Variants in GABRB1 observed in about 807,000 individuals in gnomAD.
GABRB1 encodes gamma-aminobutyric acid type A receptor subunit beta1, also known as gamma-aminobutyric acid receptor subunit beta-1.
GABRB1 carries 17 observed loss-of-function variants against 51.6 expected under a neutral mutation model. The observed-to-expected ratio is 0.33, with a 90% CI of 0.23 to 0.49. GABRB1 has a LOEUF of 0.49. Among genes scored for constraint, GABRB1 ranks in the 20% least tolerant of loss-of-function variants. The probability of loss-of-function intolerance (pLI) is 0.99; values close to 1 mark genes in which losing one functional copy is unlikely to be tolerated. For missense variants in GABRB1, 410 were observed against 600.6 expected (o/e 0.68, Z 3.32); for synonymous variants, 247 against 218.9 (o/e 1.13, Z -1.14).
At chr4:47,154,766 C>T (rs979431820) in intron 3 of GABRB1, among the ~76,000 whole-genome samples, 3 of 152,186 alleles carry the variant, frequency 2.0e-5, no homozygotes, top group Non-Finnish European at 2.9e-5. Context: ...CAGAAGTAGA[C>T]AGTCTTCGTG....
intron 5 of GABRB1, among the ~76,000 whole-genome samples, chr4:47,399,003 G>C (rs1316899595): frequency 6.6e-6 from 1 of 152,192 alleles, no homozygotes; most frequent in Non-Finnish European, 1.5e-5. Flanking sequence ...TGTTAGCCAG[G>C]ATGGTCTCAA....
At chr4:47,373,426 A>G (rs191550304) in intron 5 of GABRB1, among the ~76,000 whole-genome samples, 2 of 152,322 alleles carry the variant, frequency 1.3e-5, no homozygotes, top group East Asian at 1.9e-4. Flanking sequence ...GGGACAAAAC[A>G]TGAGTTTCAC....
rs552293453 is a variant in GABRB1, at chr4:47,229,703, A to G, written c.461+68234A>G. Among the ~76,000 whole-genome samples the G allele has an allele frequency of 8.5e-5, 13 of 152,296 alleles. 1 individual carries two copies. In the South Asian group the frequency reaches 2.1e-3, roughly 24 times the overall value. ...ATGGGTCCAAAATGCAACCATATGT[A>G]TCTTTACAAGAAGGGGCTGGAGAAA... On this transcript the variant is annotated intron_variant, in intron 4 of 8. Coordinates refer to ENST00000295454, the MANE Select transcript of GABRB1 (RefSeq NM_000812.4).
intron 3 of GABRB1, among the ~76,000 whole-genome samples, chr4:47,127,796 C>A (rs772235579): frequency 6.6e-6 from 1 of 151,734 alleles, no homozygotes; most frequent in Non-Finnish European, 1.5e-5. Context: ...TAAAGTAATG[C>A]CTCCTACTGT....
intron 4 of GABRB1, among the ~76,000 whole-genome samples, chr4:47,186,604 C>T (rs1480321615): frequency 6.6e-6 from 1 of 151,688 alleles, no homozygotes; most frequent in East Asian, 1.9e-4. Context: ...TTTTCTATAC[C>T]TTTAAGTGTC....
chr4:47,163,000 G>T (rs1409075099), intron 4 of GABRB1, among the ~76,000 whole-genome samples: 1 of 151,898 alleles, frequency 6.6e-6, no homozygotes, highest in Non-Finnish European at 1.5e-5. Context: ...TTCCCTCACA[G>T]ATTTGGTTTT....
At chr4:47,193,391 AT>A (rs1382883757) in intron 4 of GABRB1, among the ~76,000 whole-genome samples, 2 of 152,218 alleles carry the variant, frequency 1.3e-5, no homozygotes, top group Non-Finnish European at 2.9e-5. Flanking sequence ...CTAAAGTGGA[AT>A]TACAGGCGTG....
chr4:47,194,989 G>A (rs1719587590), intron 4 of GABRB1, among the ~76,000 whole-genome samples: 1 of 152,160 alleles, frequency 6.6e-6, no homozygotes, highest in South Asian at 2.1e-4. Context: ...TACAGGTCCT[G>A]AAGTGGAGGA....
intron 4 of GABRB1, among the ~76,000 whole-genome samples, chr4:47,255,283 TTGTC>T (rs1254019085): frequency 6.6e-6 from 1 of 152,252 alleles, no homozygotes; most frequent in Admixed American, 6.5e-5. Flanking sequence ...TTATTCATCA[TTGTC>T]TGGCAAATTT....
chr4:47,259,983 G>A (rs1275518972), intron 4 of GABRB1, among the ~76,000 whole-genome samples: 1 of 104,814 alleles, frequency 9.5e-6, no homozygotes, highest in Non-Finnish European at 1.9e-5. Context: ...AGGTCACTAA[G>A]GACTTGCTTT....
chr4:47,370,083 G>A (rs879580496), intron 5 of GABRB1, among the ~76,000 whole-genome samples: 2 of 151,756 alleles, frequency 1.3e-5, no homozygotes, highest in African/African-American at 4.8e-5. Context: ...GAAACAGAAA[G>A]AGACACACAC....
chr4:47,172,485 C>A (rs553246770), intron 4 of GABRB1, among the ~76,000 whole-genome samples: 4 of 152,178 alleles, frequency 2.6e-5, no homozygotes, highest in African/African-American at 9.6e-5. Context: ...GTTTTCCTTA[C>A]CCCTGCTTGT....
At chr4:47,145,883 A>G (rs1717147027) in intron 3 of GABRB1, among the ~76,000 whole-genome samples, 1 of 152,024 alleles carries the variant, frequency 6.6e-6, no homozygotes, top group African/African-American at 2.4e-5. Context: ...TTAACACTGT[A>G]CCAAAATACA....
chr4:47,374,976 G>T (rs1050579724), intron 5 of GABRB1, among the ~76,000 whole-genome samples: 12 of 152,074 alleles, frequency 7.9e-5, no homozygotes, highest in Non-Finnish European at 1.6e-4. Flanking sequence ...AAAAAATTGG[G>T]GAAAGAAAAA....
intron 5 of GABRB1, among the ~76,000 whole-genome samples, chr4:47,371,047 G>A (rs1578128663): frequency 6.6e-6 from 1 of 151,984 alleles, no homozygotes; most frequent in Admixed American, 6.6e-5. Flanking sequence ...CAGGTAGTAA[G>A]CCCAGCTTCC....
rs1218730932 is a variant in GABRB1 at position 47,354,996 on chromosome 4, T to G, written c.544+34787T>G. Among the ~76,000 whole-genome samples, 167 of 139,458 alleles carry G rather than the reference T, an allele frequency of 1.2e-3. 3 individuals are homozygous for G. The highest frequency in any genetic ancestry group is 4.4e-3 in the African/African-American group (161 of 36,920). 91.5% of individuals were successfully genotyped at this position (139,458 alleles called of 152,430 possible). On this transcript the variant is annotated intron_variant, in intron 5 of 8. Coordinates refer to ENST00000295454, the MANE Select transcript of GABRB1 (RefSeq NM_000812.4). ...TCTTCCTTTGTTTTTTTTTTTTTTT[T>G]TTTTTTTTTGACAGAATCTCTCTCT...
chr4:47,128,916 G>A (rs1168486753), intron 3 of GABRB1, among the ~76,000 whole-genome samples: 2 of 151,952 alleles, frequency 1.3e-5, no homozygotes, highest in African/African-American at 2.4e-5. Flanking sequence ...GTACAAAACC[G>A]TACATTGTTG....
intron 4 of GABRB1, among the ~76,000 whole-genome samples, chr4:47,230,904 T>C (rs1721118392): frequency 6.6e-6 from 1 of 152,130 alleles, no homozygotes; most frequent in Non-Finnish European, 1.5e-5. Flanking sequence ...CAGAGAAAGG[T>C]AGTCAAATGA....
chr4:47,376,161 G>A (rs140440821), intron 5 of GABRB1, among the ~76,000 whole-genome samples: 24 of 152,272 alleles, frequency 1.6e-4, no homozygotes, highest in African/African-American at 5.1e-4. Flanking sequence ...GGAGTTTTGG[G>A]TTTGATTGAA....
Sources: gnomAD v4.1 joint callset for allele counts (sites outside exome capture counted in the v4.1 genomes callset) on GRCh38, gnomAD v4.1.1 for gene constraint, MANE v1.5 for transcripts, NCBI Gene and HGNC (gene_info 2026-07-23, HGNC 2026-07-21) for gene names.